The following PCDHA5 variants were observed in gnomAD, a reference collection of about 807,000 sequenced individuals.
The protein encoded by PCDHA5 is protocadherin alpha-5.
In PCDHA5, 43 loss-of-function variants were observed where a neutral mutation model predicts 61.6. The observed-to-expected ratio is 0.70, with a 90% CI of 0.55 to 0.90. PCDHA5 has a LOEUF of 0.90. Ranked by LOEUF, PCDHA5 falls within the 40% of genes least tolerant of loss-of-function variation. PCDHA5 has a pLI of 0.00. For synonymous variants in PCDHA5, 627 were observed against 543.9 expected, an observed-to-expected ratio of 1.15 and a Z score of -2.13; for missense variants, 1,298 against 1,222.7, an observed-to-expected ratio of 1.06 and a Z score of -0.92.
At chr5:140,828,509 GTGC>G in intron 1 of PCDHA5, 1 of 1,614,278 alleles carries the variant, frequency 6.2e-7, no homozygotes. Context: ...GGAACAAAGA[GTGC>G]TGATTTACGA....
intron 1 of PCDHA5, chr5:140,967,709 G>A (rs1554229820): frequency 3.1e-6 from 5 of 1,614,022 alleles, no homozygotes; most frequent in Admixed American, 3.3e-5. Flanking sequence ...TGCCAGTACC[G>A]GGGAAGTGCG....
chr5:140,911,894 A>G (rs1352900427), intron 1 of PCDHA5, among the ~76,000 whole-genome samples: 2 of 152,184 alleles, frequency 1.3e-5, no homozygotes, highest in Non-Finnish European at 2.9e-5. Context: ...CAAAATCTGT[A>G]TTAGTCAGAG....
At position 140,823,857 on chromosome 5, in the gene PCDHA5, T is replaced by G. The variant is rs2150129771; in HGVS notation, c.2082T>G (p.Asp694Glu). The G allele has an allele frequency of 6.2e-7, 1 of 1,613,804 alleles. No homozygotes were observed. Among genetic ancestry groups the G allele is most frequent in the Admixed American group, 1.7e-5 (1 of 60,032 alleles). Residue 694 changes from aspartate (D) to glutamate (E), a missense_variant, in exon 1 of 4, where the codon GAT becomes GAG. Asp to Glu is a conservative substitution (Grantham distance 45). Coordinates refer to ENST00000529859, the MANE Select transcript of PCDHA5 (RefSeq NM_018908.3). ...TGGGTCCCGAGGCTGCCCTGGTGGA[T>G]GTCAACGTGTACCTGATCATCGCCA... ...GAVGPEAALVDVNVYLIIAIC... is the reference protein window; with the variant it reads ...GAVGPEAALVEVNVYLIIAIC...
chr5:140,889,441 C>G (rs2062226063), intron 1 of PCDHA5, among the ~76,000 whole-genome samples: 2 of 151,842 alleles, frequency 1.3e-5, no homozygotes, highest in African/African-American at 2.4e-5. Flanking sequence ...CAGGTATTTT[C>G]CTGTTTAATC....
In PCDHA5 at chr5:140,822,749, G is replaced by T. The variant is rs1425005948; in HGVS notation, c.974G>T (p.Ser325Ile). 1.9e-6 allele frequency: 3 copies of T among 1,613,758 alleles called. No individual in the cohort carries two copies. The highest frequency in any genetic ancestry group is 1.7e-6 in the Non-Finnish European group (2 of 1,179,756). The change falls in exon 1 of 4, where the codon AGT (serine) becomes ATT (isoleucine). Residue 325 changes from serine (S) to isoleucine (I), a missense_variant. By Grantham distance (142) the Ser-to-Ile change is moderately radical (BLOSUM62 -2). Coordinates refer to ENST00000529859, the MANE Select transcript of PCDHA5 (RefSeq NM_018908.3). ...YEINIDAMDK[S>I]TFPLSGHCKV... Reference sequence around the variant, plus strand: ...ATTAATATTGATGCCATGGATAAAAGTACATTCCCATTATCAGGACACTGT... The same window carrying T: ...ATTAATATTGATGCCATGGATAAAATTACATTCCCATTATCAGGACACTGT...
At chr5:140,857,067 T>G (rs1245365064) in intron 1 of PCDHA5, 2 of 1,596,142 alleles carry the variant, frequency 1.3e-6, no homozygotes, top group East Asian at 2.2e-5. Context: ...GTGGAACTAC[T>G]GGATGAAAAT....
intron 1 of PCDHA5, among the ~76,000 whole-genome samples, chr5:140,831,468 T>C (rs1272624031): frequency 7.9e-6 from 1 of 126,066 alleles, no homozygotes; most frequent in African/African-American, 3.3e-5. Flanking sequence ...CAAGTGATTC[T>C]CTCACCTCAG....
At chr5:140,871,636 T>C in intron 1 of PCDHA5, 1 of 1,364,788 alleles carries the variant, frequency 7.3e-7, no homozygotes, top group Non-Finnish European at 9.8e-7. Flanking sequence ...TGTCTGTTCA[T>C]AAAATACCAA....
In PCDHA5 at chr5:140,936,000, C is replaced by T. The variant is rs370629183; in HGVS notation, c.2353-42949C>T. Among the ~76,000 whole-genome samples, 13 of 150,536 alleles carry T rather than the reference C, an allele frequency of 8.6e-5. No homozygotes were observed. In the East Asian group the frequency reaches 1.6e-3, roughly 18 times the overall value. ...CTCTGCCTCCCGGGTTCAAGCGATT[C>T]TCCCACCTCAGCCTCCCGAGTAGCG... On this transcript the variant is annotated intron_variant, in intron 1 of 3. Coordinates refer to ENST00000529859, the MANE Select transcript of PCDHA5 (RefSeq NM_018908.3).
At chr5:140,832,321 C>T (rs1475478969) in intron 1 of PCDHA5, among the ~76,000 whole-genome samples, 2 of 152,258 alleles carry the variant, frequency 1.3e-5, no homozygotes, top group Middle Eastern at 3.4e-3. Flanking sequence ...GCTTAAGGGC[C>T]ATTAGAGGAC....
chr5:140,828,062 C>T (rs1769507184), intron 1 of PCDHA5: 1 of 1,557,484 alleles, frequency 6.4e-7, no homozygotes, highest in Non-Finnish European at 8.7e-7. Flanking sequence ...GGAAGATCTT[C>T]TAATGGAAAT....
chr5:140,850,319 A>C (rs2150479368), intron 1 of PCDHA5: 1 of 1,597,562 alleles, frequency 6.3e-7, no homozygotes, highest in East Asian at 2.2e-5. Flanking sequence ...CGTGGCTTTC[A>C]TACGAGCTGC....
chr5:140,825,170 T>G (rs1391408665), intron 1 of PCDHA5: 1 of 151,844 alleles, frequency 6.6e-6, no homozygotes, highest in African/African-American at 2.4e-5. Flanking sequence ...TTTTTTCATT[T>G]ACTAATGTAT....
intron 3 of PCDHA5, among the ~76,000 whole-genome samples, chr5:140,989,708 G>T (rs2097355537): frequency 6.6e-6 from 1 of 152,154 alleles, no homozygotes; most frequent in South Asian, 2.1e-4. Context: ...ATCTTCAGAG[G>T]CAGTCAGCTT....
At chr5:140,829,722 C>A (rs2150173408) in intron 1 of PCDHA5, 4 of 1,613,622 alleles carry the variant, frequency 2.5e-6, no homozygotes, top group Non-Finnish European at 2.5e-6. Flanking sequence ...GGCGTGCCGC[C>A]TCTGGGCAGC....
chr5:140,972,623 T>C (rs1554234256), intron 1 of PCDHA5, among the ~76,000 whole-genome samples: 1 of 151,938 alleles, frequency 6.6e-6, no homozygotes, highest in African/African-American at 2.4e-5. Context: ...TGAATGTTGT[T>C]GGCACTCCCT....
In PCDHA5 at chr5:141,011,865, G is replaced by A. The variant is rs372303007; in HGVS notation, c.*1928G>A. Reference sequence around the variant, plus strand: ...TAAGACATTTTAATTTTGTTATAATGTACAATTTAGAAGTTTGATTAATTA... The same window carrying A: ...TAAGACATTTTAATTTTGTTATAATATACAATTTAGAAGTTTGATTAATTA... On this transcript the variant is annotated 3_prime_UTR_variant, in exon 4 of 4. Coordinates refer to ENST00000529859, the MANE Select transcript of PCDHA5 (RefSeq NM_018908.3). 40 of 153,574 alleles carry A rather than the reference G, an allele frequency of 2.6e-4. No individual in the cohort carries two copies. The highest frequency in any genetic ancestry group is 3.4e-3 in the Middle Eastern group (1 of 294). 9.5% of individuals were successfully genotyped at this position (153,574 alleles called of 1,614,324 possible).
At chr5:140,963,204 A>G (rs2095745825) in intron 1 of PCDHA5, among the ~76,000 whole-genome samples, 1 of 152,104 alleles carries the variant, frequency 6.6e-6, no homozygotes, top group African/African-American at 2.4e-5. Flanking sequence ...ATGAAAAAAA[A>G]AACCTCGTGT....
intron 1 of PCDHA5, chr5:140,871,730 T>C: frequency 2.8e-6 from 2 of 714,038 alleles, no homozygotes; most frequent in Middle Eastern, 4.1e-4. Flanking sequence ...TAATATTTGG[T>C]TAGCAAATCC....
Sources: allele counts gnomAD v4.1 joint callset (sites outside exome capture counted in the v4.1 genomes callset), GRCh38; gene constraint gnomAD v4.1.1; transcripts MANE v1.5; gene names NCBI Gene and HGNC (gene_info 2026-07-23, HGNC 2026-07-21).